Variants in ATRN observed in about 807,000 individuals in gnomAD.
ATRN encodes attractin, also known as attractin-2.
Under a neutral mutation model 178.7 loss-of-function variants are expected in ATRN, and 54 were observed. The observed-to-expected ratio is 0.30, with a 90% CI of 0.24 to 0.38. ATRN has a LOEUF of 0.38. Ranked by LOEUF, ATRN falls within the 10% of genes least tolerant of loss-of-function variation. The probability of loss-of-function intolerance (pLI) is 1.00; values close to 1 mark genes in which losing one functional copy is unlikely to be tolerated. For synonymous variants in ATRN, 636 were observed against 663.0 expected (o/e 0.96, Z 0.63); for missense variants, 1,443 against 1,815.1 (o/e 0.79, Z 3.73).
At chr20:3,483,948 C>T (rs1259470612) in intron 1 of ATRN, among the ~76,000 whole-genome samples, 1 of 152,032 alleles carries the variant, frequency 6.6e-6, no homozygotes, top group Non-Finnish European at 1.5e-5. Flanking sequence ...TAACCTTTCT[C>T]ATTTTAAAAA....
intron 21 of ATRN, among the ~76,000 whole-genome samples, chr20:3,597,189 A>G (rs1236101538): frequency 4.0e-5 from 6 of 151,670 alleles, no homozygotes; most frequent in African/African-American, 1.2e-4. Flanking sequence ...GAAACTATAT[A>G]AAAATTTAAA....
chr20:3,627,689 C>T (rs1280825885), intron 25 of ATRN, among the ~76,000 whole-genome samples: 1 of 152,060 alleles, frequency 6.6e-6, no homozygotes, highest in Non-Finnish European at 1.5e-5. Context: ...ATTTGATGAA[C>T]AACTTTATGT....
intron 1 of ATRN, among the ~76,000 whole-genome samples, chr20:3,529,103 T>C (rs151533): frequency 0.27 from 40,640 of 152,084 alleles, 5,985 homozygotes; most frequent in African/African-American, 0.33. Flanking sequence ...CATAAGCCAC[T>C]GTGCCCAGCC....
chr20:3,575,999 T>G (rs767214924), intron 13 of ATRN, 51 bp downstream of exon 13: 1 of 1,594,854 alleles, frequency 6.3e-7, no homozygotes, highest in Non-Finnish European at 8.5e-7. Context: ...TTGTCATAGG[T>G]TTAGCTTTTA....
At chr20:3,489,147 G>A (rs1469069297) in intron 1 of ATRN, among the ~76,000 whole-genome samples, 1 of 152,168 alleles carries the variant, frequency 6.6e-6, no homozygotes, top group Non-Finnish European at 1.5e-5. Flanking sequence ...TTTTATTAGA[G>A]ATGGGGTTTC....
chr20:3,623,017 T>C (rs561885658), intron 24 of ATRN, among the ~76,000 whole-genome samples: 2 of 152,310 alleles, frequency 1.3e-5, no homozygotes, highest in African/African-American at 4.8e-5. Flanking sequence ...AGTAAAAGTA[T>C]CTCATAGATT....
At position 3,638,866 on chromosome 20, in the gene ATRN, C is replaced by G; in HGVS notation, c.3981C>G (p.Pro1327=). 6.2e-7 allele frequency: 1 copy of G among 1,614,202 alleles called. No homozygotes were observed. Among genetic ancestry groups the G allele is most frequent in the Non-Finnish European group, 8.5e-7 (1 of 1,180,034 alleles). Residue 1327 remains proline (P), a synonymous_variant, in exon 27 of 29, where the codon CCC becomes CCG. Coordinates refer to ENST00000262919, the MANE Select transcript of ATRN (RefSeq NM_139321.3). This position sits in a 1 kb window ranked among gnomAD's most constrained non-coding sequence, Gnocchi z 4.5. The part of the protein sequence containing the change: ...LREMQQMASR[P]FASVNVALET... ...AGATGCAACAGATGGCCAGCCGTCC[C>G]TTTGCCTCTGTAAATGTCGCCTTGG...
Position 3,641,569 on chromosome 20 carries a change from C to T in ATRN, c.4051-2585C>T, listed in dbSNP as rs113812391. 1.7e-3 allele frequency among the ~76,000 whole-genome samples: 178 copies of T among 104,138 alleles called. 1 individual carries two copies. The highest frequency in any genetic ancestry group is 0.01 in the Middle Eastern group (1 of 96). 68.3% of individuals were successfully genotyped at this position (104,138 alleles called of 152,430 possible). A position where few individuals can be genotyped will look rare whatever the true frequency, so the allele number is the denominator to read the frequency against. The stretch of plus-strand genomic sequence containing the variant: ...TTGCACCACTGTACTCCAGCCTGGG[C>T]GACAGAACAAGACTCTGTCGCAAAA... On this transcript the variant is annotated intron_variant, in intron 27 of 28. Coordinates refer to ENST00000262919, the MANE Select transcript of ATRN (RefSeq NM_139321.3).
chr20:3,501,659 G>T (rs1270501528), intron 1 of ATRN, among the ~76,000 whole-genome samples: 2 of 152,180 alleles, frequency 1.3e-5, no homozygotes, highest in African/African-American at 4.8e-5. Context: ...CAAAGAAAGG[G>T]ACTAGAGAGA....
At chr20:3,570,513 G>GTT (rs1056815466) in intron 11 of ATRN, among the ~76,000 whole-genome samples, 4 of 143,884 alleles carry the variant, frequency 2.8e-5, no homozygotes, top group Non-Finnish European at 3.1e-5. Context: ...AAATTAGGTT[G>GTT]TTTTTTTTTT....
intron 25 of ATRN, among the ~76,000 whole-genome samples, chr20:3,634,047 G>C (rs1385400564): frequency 1.3e-5 from 2 of 152,172 alleles, no homozygotes; most frequent in East Asian, 3.8e-4. Context: ...GGGCCATTCT[G>C]ATGAAGGCCA....
intron 1 of ATRN, chr20:3,490,170 C>T (rs2084766724): frequency 2.0e-6 from 3 of 1,506,104 alleles, no homozygotes; most frequent in Admixed American, 3.3e-5. Context: ...ACTGAATAGT[C>T]TCTGGGCTTG....
At chr20:3,498,694 G>A (rs1342634484) in intron 1 of ATRN, among the ~76,000 whole-genome samples, 2 of 151,992 alleles carry the variant, frequency 1.3e-5, no homozygotes, top group African/African-American at 4.8e-5. Context: ...AAAATAATAA[G>A]AGCTATCTAT....
At position 3,532,120 on chromosome 20, in the gene ATRN, G is replaced by A. The variant is rs183421541; in HGVS notation, c.411-3133G>A. ...CACTCCAGCCTGGGTGTCAGTGTGA[G>A]ATTCTGTCTCAAAAACAAAAAACAA... On this transcript the variant is annotated intron_variant, in intron 1 of 28. Transcript: ENST00000262919. 2.0e-4 allele frequency among the ~76,000 whole-genome samples: 30 copies of A among 152,234 alleles called. No homozygotes were observed. In the East Asian group the frequency reaches 4.4e-3, roughly 23 times the overall value.
chr20:3,563,345 T>G lies in ATRN; in HGVS notation c.1768T>G (p.Phe590Val). The G allele has an allele frequency of 6.2e-7, 1 of 1,614,054 alleles. No individual in the cohort carries two copies. The highest frequency in any genetic ancestry group is 1.3e-5 in the African/African-American group (1 of 75,052). The change falls in exon 10 of 29, where the codon TTC (phenylalanine) becomes GTC (valine). Residue 590 changes from phenylalanine to valine, a missense_variant. Physicochemically the swap from Phe to Val is conservative, Grantham distance 50 (BLOSUM62 -1). This residue lies in a region of ATRN where 862 missense variants were observed against 972.1 expected (regional missense o/e 0.89). Transcript: ENST00000262919. ...SHGAKCFSSD[F>V]MAYDIACDRW... ...TGGCGCCAAATGCTTCTCTTCAGAT[T>G]TCATGGCCTATGACATTGGTAAGTT...
At chr20:3,639,175 CTGCTT>C (rs1194112478) in intron 27 of ATRN, among the ~76,000 whole-genome samples, 3 of 152,134 alleles carry the variant, frequency 2.0e-5, no homozygotes, top group African/African-American at 7.2e-5. Flanking sequence ...AATGATTTGT[CTGCTT>C]TTCTTTTAAG....
chr20:3,480,128 G>T (rs2084598865), intron 1 of ATRN, among the ~76,000 whole-genome samples: 1 of 152,156 alleles, frequency 6.6e-6, no homozygotes, highest in South Asian at 2.1e-4. Flanking sequence ...GGTTATAATG[G>T]CCTCTTTTTG....
Position 3,563,272 on chromosome 20 carries a change from C to T in ATRN, c.1695C>T (p.Thr565=), listed in dbSNP as rs775129617. Residue 565 remains threonine (T), a synonymous_variant, in exon 10 of 29, where the codon ACC becomes ACT. Coordinates refer to ENST00000262919, the MANE Select transcript of ATRN (RefSeq NM_139321.3). The part of the protein sequence containing the change: ...YLHTAVIVSG[T]MLVFGGNTHN... Reference sequence around the variant, plus strand: ...ACACAGCTGTGATAGTGAGTGGAACCATGCTGGTGTTTGGAGGAAACACAC... The same window carrying T: ...ACACAGCTGTGATAGTGAGTGGAACTATGCTGGTGTTTGGAGGAAACACAC... 1.2e-6 allele frequency: 2 copies of T among 1,613,954 alleles called. No individual in the cohort carries two copies. Among genetic ancestry groups the T allele is most frequent in the Non-Finnish European group, 1.7e-6 (2 of 1,179,958 alleles).
At chr20:3,481,092 G>C (rs1324559777) in intron 1 of ATRN, among the ~76,000 whole-genome samples, 1 of 151,888 alleles carries the variant, frequency 6.6e-6, no homozygotes, top group Non-Finnish European at 1.5e-5. Context: ...ACTATATACT[G>C]TTCTCATCTT....
Sources: allele counts gnomAD v4.1 joint callset (sites outside exome capture counted in the v4.1 genomes callset), GRCh38; gene constraint gnomAD v4.1.1; regional missense constraint gnomAD v4.1.1; non-coding constraint Gnocchi (gnomAD v3.1); transcripts MANE v1.5; gene names NCBI Gene and HGNC (gene_info 2026-07-23, HGNC 2026-07-21).